Variants in SNX29 observed in about 807,000 individuals in gnomAD.
The protein encoded by SNX29 is sorting nexin 29.
In SNX29, 78 loss-of-function variants were observed where a neutral mutation model predicts 102.1. That is an observed-to-expected ratio of 0.76 (90% confidence interval 0.64 to 0.92). SNX29 has a LOEUF of 0.92. Among genes scored for constraint, SNX29 ranks in the 40% least tolerant of loss-of-function variants. The pLI, the probability that SNX29 is intolerant of heterozygous loss-of-function variation, is 0.00. For synonymous variants in SNX29, 580 were observed against 414.5 expected, an observed-to-expected ratio of 1.40 and a Z score of -4.85; for missense variants, 1,280 against 1,061.7, an observed-to-expected ratio of 1.21 and a Z score of -2.86.
At chr16:12,311,119 G>A (rs573176056) in intron 15 of SNX29, among the ~76,000 whole-genome samples, 1 of 152,306 alleles carries the variant, frequency 6.6e-6, no homozygotes, top group South Asian at 2.1e-4. Flanking sequence ...CAACTCGATA[G>A]GGCAGAGCTG....
chr16:12,552,541 C>T (rs141817890), intron 20 of SNX29, among the ~76,000 whole-genome samples: 1 of 152,292 alleles, frequency 6.6e-6, no homozygotes. Flanking sequence ...TCAGTGATGT[C>T]CCCAGCACTG....
intron 20 of SNX29, among the ~76,000 whole-genome samples, chr16:12,534,869 G>A (rs760466199): frequency 2.0e-5 from 3 of 152,168 alleles, no homozygotes; most frequent in Non-Finnish European, 4.4e-5. Flanking sequence ...AACCATGGGG[G>A]ACAGTGCCAC....
intron 20 of SNX29, among the ~76,000 whole-genome samples, chr16:12,544,832 C>T (rs910296764): frequency 6.6e-6 from 1 of 152,224 alleles, no homozygotes; most frequent in Admixed American, 6.5e-5. Context: ...TCAGCAAGAA[C>T]TCCTTGGGGA....
intron 18 of SNX29, chr16:12,443,304 C>G (rs1326937802): frequency 5.1e-6 from 1 of 194,334 alleles, no homozygotes; most frequent in Non-Finnish European, 1.1e-5. Flanking sequence ...TCTACCAACC[C>G]CTGGCCAAGG....
intron 14 of SNX29, among the ~76,000 whole-genome samples, chr16:12,252,126 A>G (rs1025980715): frequency 2.6e-5 from 4 of 152,176 alleles, no homozygotes; most frequent in Non-Finnish European, 5.9e-5. Context: ...CCCAGAAATC[A>G]TCTCTTCTGC....
intron 14 of SNX29, among the ~76,000 whole-genome samples, chr16:12,273,891 A>G (rs1310109551): frequency 1.3e-5 from 2 of 152,122 alleles, no homozygotes; most frequent in African/African-American, 2.4e-5. Flanking sequence ...CTCACGGTCT[A>G]TCTGTGTTGC....
At chr16:12,559,430 C>G (rs533147279) in intron 20 of SNX29, among the ~76,000 whole-genome samples, 1 of 151,460 alleles carries the variant, frequency 6.6e-6, no homozygotes, top group Non-Finnish European at 1.5e-5. Flanking sequence ...GGAAAACAAG[C>G]TCAGGGCTCC....
intron 20 of SNX29, among the ~76,000 whole-genome samples, chr16:12,564,603 C>G (rs1027521418): frequency 4.6e-5 from 7 of 152,072 alleles, no homozygotes; most frequent in African/African-American, 1.2e-4. Context: ...GTTTGTGAAA[C>G]TGTAACAGAC....
intron 16 of SNX29, among the ~76,000 whole-genome samples, chr16:12,382,649 C>T (rs547807733): frequency 1.3e-5 from 2 of 152,308 alleles, no homozygotes; most frequent in South Asian, 2.1e-4. Flanking sequence ...AAACAACATA[C>T]GTTTATTTGC....
chr16:12,526,765 G>T (rs1013497267), intron 20 of SNX29: 7 of 428,142 alleles, frequency 1.6e-5, no homozygotes, highest in African/African-American at 1.0e-4. Context: ...TGCCCCATCC[G>T]CAAGTCAGTG....
intron 13 of SNX29, among the ~76,000 whole-genome samples, chr16:12,198,433 G>C (rs905984436): frequency 2.0e-5 from 3 of 151,734 alleles, no homozygotes; most frequent in Admixed American, 6.5e-5. Context: ...AATGTGTTCT[G>C]ATGGAGTATT....
At chr16:12,514,001 C>A (rs1172281120) in intron 19 of SNX29, among the ~76,000 whole-genome samples, 3 of 152,156 alleles carry the variant, frequency 2.0e-5, no homozygotes, top group African/African-American at 7.2e-5. Flanking sequence ...CAGGCGTCCC[C>A]CGTTATAAAG....
intron 16 of SNX29, among the ~76,000 whole-genome samples, chr16:12,388,180 T>C (rs2083400944): frequency 6.6e-6 from 1 of 152,182 alleles, no homozygotes; most frequent in African/African-American, 2.4e-5. Flanking sequence ...CACCCATGTT[T>C]CTTCTGGGGG....
At position 12,573,359 on chromosome 16, in the gene SNX29, C is replaced by G. The variant is rs1487937313; in HGVS notation, c.*4730C>G. ...TGGAGTAGACAGTTACTTCTAAATC[C>G]CAGCAACCAAGTTGCGTATCCTTCC... is the stretch of plus-strand genomic sequence containing the variant. On this transcript the variant is annotated 3_prime_UTR_variant, in exon 21 of 21. Transcript: ENST00000566228. The G allele has an allele frequency of 4.4e-6, 1 of 224,882 alleles. No individual in the cohort carries two copies. Among genetic ancestry groups the G allele is most frequent in the African/African-American group, 2.2e-5 (1 of 44,864 alleles). 13.9% of individuals were successfully genotyped at this position (224,882 alleles called of 1,614,324 possible).
chr16:12,353,184 G>A (rs1375049400), intron 15 of SNX29, among the ~76,000 whole-genome samples: 3 of 152,292 alleles, frequency 2.0e-5, no homozygotes, highest in African/African-American at 7.2e-5. Context: ...CTAGCACTGT[G>A]CCTGGAAGAT....
At chr16:12,089,164 G>A (rs1387323559) in intron 11 of SNX29, among the ~76,000 whole-genome samples, 1 of 150,342 alleles carries the variant, frequency 6.7e-6, no homozygotes, top group Non-Finnish European at 1.5e-5. Flanking sequence ...GAGAAAGAAA[G>A]AAAGAAAGAA....
intron 18 of SNX29, among the ~76,000 whole-genome samples, chr16:12,431,434 C>CTTCT (rs779738786): frequency 1.4e-4 from 19 of 136,946 alleles, no homozygotes; most frequent in East Asian, 2.1e-4. Context: ...TCTTCTTCTT[C>CTTCT]TTTTTTTTTT....
chr16:12,341,488 C>T (rs2081608624), intron 15 of SNX29, among the ~76,000 whole-genome samples: 1 of 152,196 alleles, frequency 6.6e-6, no homozygotes, highest in African/African-American at 2.4e-5. Flanking sequence ...GGTTCTGCCA[C>T]AGTAACAAAT....
intron 4 of SNX29, among the ~76,000 whole-genome samples, chr16:12,028,415 G>C (rs1213469081): frequency 6.6e-6 from 1 of 152,030 alleles, no homozygotes; most frequent in Non-Finnish European, 1.5e-5. Flanking sequence ...CCAGGCTGAA[G>C]TGCAGTGGTG....
Sources: allele counts gnomAD v4.1 joint callset (sites outside exome capture counted in the v4.1 genomes callset), GRCh38; gene constraint gnomAD v4.1.1; transcripts MANE v1.5; gene names NCBI Gene and HGNC (gene_info 2026-07-23, HGNC 2026-07-21).